SND1: variants seen among roughly 807,000 people sequenced by gnomAD.
The protein encoded by SND1 is staphylococcal nuclease and tudor domain containing 1.
Under a neutral mutation model 121.7 loss-of-function variants are expected in SND1, and 38 were observed. The ratio of observed to expected loss-of-function variants is 0.31; its 90% CI spans 0.24 to 0.41. SND1 has a LOEUF of 0.41. SND1 is among the 10% of genes least tolerant of loss of function. The pLI, the probability that SND1 is intolerant of heterozygous loss-of-function variation, is 1.00. For synonymous variants in SND1, 401 were observed against 447.4 expected (o/e 0.90, Z 1.31); for missense variants, 868 against 1,184.6 (o/e 0.73, Z 3.92).
chr7:128,046,267 G>A (rs1446849330), intron 16 of SND1, among the ~76,000 whole-genome samples: 1 of 149,766 alleles, frequency 6.7e-6, no homozygotes, highest in African/African-American at 2.5e-5. Flanking sequence ...CAGGCTAATT[G>A]TTTTTATTTT....
At chr7:127,682,369 C>G (rs548932435) in intron 1 of SND1, among the ~76,000 whole-genome samples, 8 of 152,184 alleles carry the variant, frequency 5.3e-5, no homozygotes, top group Admixed American at 6.5e-5. Flanking sequence ...AATCACACCA[C>G]GTCCCTCTGC....
intron 12 of SND1, among the ~76,000 whole-genome samples, chr7:127,847,692 C>T (rs932715920): frequency 1.3e-5 from 2 of 152,178 alleles, no homozygotes; most frequent in African/African-American, 4.8e-5. Flanking sequence ...AAAGCCTTTC[C>T]TCTTTATTAA....
At chr7:127,841,202 CCT>C (rs1396753668) in intron 11 of SND1, among the ~76,000 whole-genome samples, 1 of 152,290 alleles carries the variant, frequency 6.6e-6, no homozygotes, top group African/African-American at 2.4e-5. Context: ...CTGTCCCACC[CCT>C]GTCTGCCTAC....
chr7:128,057,965 A>C (rs1793170035), intron 16 of SND1, among the ~76,000 whole-genome samples: 1 of 152,222 alleles, frequency 6.6e-6, no homozygotes, highest in African/African-American at 2.4e-5. Flanking sequence ...AGGTACTAAA[A>C]GTGACCAGTG....
chr7:127,708,872 TCTCC>T (rs1242273064), intron 9 of SND1, among the ~76,000 whole-genome samples: 1 of 152,214 alleles, frequency 6.6e-6, no homozygotes, highest in African/African-American at 2.4e-5. Flanking sequence ...AGAGGTTCTG[TCTCC>T]CTGTCAACTA....
At chr7:127,748,812 A>G (rs1160371553) in intron 10 of SND1, among the ~76,000 whole-genome samples, 2 of 152,130 alleles carry the variant, frequency 1.3e-5, no homozygotes, top group African/African-American at 4.8e-5. Flanking sequence ...GGGTAGCTGA[A>G]TGGAAGGTGC....
intron 15 of SND1, among the ~76,000 whole-genome samples, chr7:127,967,358 GA>G (rs1563073461): frequency 2.0e-5 from 3 of 152,152 alleles, no homozygotes; most frequent in South Asian, 2.1e-4. Context: ...GGGGTGGTGG[GA>G]AAAAATGTGT....
intron 16 of SND1, among the ~76,000 whole-genome samples, chr7:128,056,705 C>T (rs552693486): frequency 6.6e-6 from 1 of 152,170 alleles, no homozygotes; most frequent in African/African-American, 2.4e-5. Context: ...CCCCCTTATC[C>T]ACAGGGAATA....
chr7:127,912,904 G>T (rs926682575), intron 14 of SND1, among the ~76,000 whole-genome samples: 2 of 152,164 alleles, frequency 1.3e-5, no homozygotes, highest in African/African-American at 4.8e-5. Flanking sequence ...AATTTAGAAA[G>T]TGAATATGTC....
intron 16 of SND1, among the ~76,000 whole-genome samples, chr7:128,039,299 G>A (rs570175687): frequency 6.6e-6 from 1 of 152,266 alleles, no homozygotes; most frequent in South Asian, 2.1e-4. Context: ...CCCCACAAGA[G>A]CAGAGGCCCC....
chr7:127,787,367 T>C (rs1797831416), intron 10 of SND1, among the ~76,000 whole-genome samples: 1 of 152,214 alleles, frequency 6.6e-6, no homozygotes, highest in African/African-American at 2.4e-5. Flanking sequence ...CCCAAGTACC[T>C]GGTTCTACAG....
chr7:127,844,469 C>A, intron 12 of SND1, 45 bp downstream of exon 12: 1 of 1,450,474 alleles, frequency 6.9e-7, no homozygotes, highest in Non-Finnish European at 9.6e-7. Context: ...TCTCAAGTAG[C>A]TAAGAGTTCT....
chr7:127,940,145 T>C (rs1272121836), intron 15 of SND1, among the ~76,000 whole-genome samples: 1 of 152,130 alleles, frequency 6.6e-6, no homozygotes, highest in East Asian at 1.9e-4. Context: ...GCCTTCCACC[T>C]GGTGGGCACT....
At chr7:127,706,111 G>A (rs1307475261) in intron 8 of SND1, among the ~76,000 whole-genome samples, 2 of 152,118 alleles carry the variant, frequency 1.3e-5, no homozygotes, top group African/African-American at 4.8e-5. Flanking sequence ...TATAATAACC[G>A]TATCAAGTAC....
intron 11 of SND1, among the ~76,000 whole-genome samples, chr7:127,830,331 C>T (rs1168814716): frequency 4.6e-5 from 7 of 151,496 alleles, no homozygotes; most frequent in Non-Finnish European, 1.0e-4. Flanking sequence ...TGCAGTGAGC[C>T]GAGATTGTGC....
At chr7:127,669,246 C>T (rs1188093765) in intron 1 of SND1, among the ~76,000 whole-genome samples, 1 of 152,202 alleles carries the variant, frequency 6.6e-6, no homozygotes, top group Non-Finnish European at 1.5e-5. Context: ...CCACCTTGGC[C>T]TCCCAAAGTG....
intron 14 of SND1, among the ~76,000 whole-genome samples, chr7:127,906,936 C>T (rs1305082951): frequency 6.6e-6 from 1 of 152,152 alleles, no homozygotes; most frequent in Non-Finnish European, 1.5e-5. Context: ...GTTCCTACCC[C>T]ACCAATTCCC....
At chr7:128,005,779 G>C (rs765932728) in intron 16 of SND1, among the ~76,000 whole-genome samples, 1 of 152,170 alleles carries the variant, frequency 6.6e-6, no homozygotes, top group Non-Finnish European at 1.5e-5. Context: ...CTCCAACTCC[G>C]AGGCTTGCTT....
At chr7:127,872,847 A>G (rs1799622814) in intron 12 of SND1, among the ~76,000 whole-genome samples, 1 of 152,166 alleles carries the variant, frequency 6.6e-6, no homozygotes, top group South Asian at 2.1e-4. Flanking sequence ...TATTGGGAAA[A>G]TGAATGTAGT....
Sources: gnomAD v4.1 joint callset for allele counts (sites outside exome capture counted in the v4.1 genomes callset) on GRCh38, gnomAD v4.1.1 for gene constraint, MANE v1.5 for transcripts, NCBI Gene and HGNC (gene_info 2026-07-23, HGNC 2026-07-21) for gene names.